MDGA2: variants seen among roughly 807,000 people sequenced by gnomAD.
The protein encoded by MDGA2 is MAM domain-containing glycosylphosphatidylinositol anchor protein 2.
In MDGA2, 40 loss-of-function variants were observed where a neutral mutation model predicts 117.8. The observed-to-expected ratio is 0.34, with a 90% CI of 0.26 to 0.44. The LOEUF (loss-of-function observed/expected upper bound fraction) is 0.44. Among genes scored for constraint, MDGA2 ranks in the 20% least tolerant of loss-of-function variants. MDGA2 has a pLI of 1.00. For missense variants in MDGA2, 1,123 were observed against 1,250.6 expected (o/e 0.90, Z 1.54); for synonymous variants, 452 against 439.0 (o/e 1.03, Z -0.37).
chr14:47,138,928 C>A (rs1299268773), intron 4 of MDGA2, among the ~76,000 whole-genome samples: 3 of 151,866 alleles, frequency 2.0e-5, no homozygotes, highest in Non-Finnish European at 4.4e-5. Flanking sequence ...GGAACACAGA[C>A]CAATTTTTTT....
At chr14:47,628,071 G>T (rs977958989) in intron 1 of MDGA2, among the ~76,000 whole-genome samples, 2 of 152,200 alleles carry the variant, frequency 1.3e-5, no homozygotes, top group Non-Finnish European at 2.9e-5. Context: ...GGTGGGGTAG[G>T]TAGGTAGAAA....
At chr14:47,410,625 AAG>A (rs557991556) in intron 1 of MDGA2, among the ~76,000 whole-genome samples, 1 of 151,832 alleles carries the variant, frequency 6.6e-6, no homozygotes. Flanking sequence ...TGCATGGCTG[AAG>A]AGAGAGAGAG....
At chr14:46,940,614 C>A (rs948321176) in intron 9 of MDGA2, among the ~76,000 whole-genome samples, 45 of 128,892 alleles carry the variant, frequency 3.5e-4, no homozygotes, top group Middle Eastern at 3.8e-3. Context: ...GGTGACAGAG[C>A]GAGACTGTCT....
At chr14:47,053,620 T>C (rs201346050) in intron 7 of MDGA2, among the ~76,000 whole-genome samples, 1 of 103,306 alleles carries the variant, frequency 9.7e-6, no homozygotes, top group Non-Finnish European at 2.0e-5. Flanking sequence ...TATATATATA[T>C]ATATATATAT....
intron 10 of MDGA2, among the ~76,000 whole-genome samples, chr14:46,901,566 T>C (rs1883287927): frequency 6.6e-6 from 1 of 152,186 alleles, no homozygotes; most frequent in African/African-American, 2.4e-5. Context: ...AAATATTTAC[T>C]GTACAACCAC....
chr14:47,271,002 T>C (rs1888126439), intron 2 of MDGA2, among the ~76,000 whole-genome samples: 1 of 152,182 alleles, frequency 6.6e-6, no homozygotes, highest in Non-Finnish European at 1.5e-5. Context: ...CTCCTCCTCT[T>C]CTGTCTGTTT....
intron 1 of MDGA2, among the ~76,000 whole-genome samples, chr14:47,540,787 A>C (rs765063711): frequency 1.9e-4 from 29 of 151,200 alleles, no homozygotes; most frequent in Non-Finnish European, 4.1e-4. Context: ...TTGGTCTTGA[A>C]CTCCTGATCT....
chr14:46,869,351 C>CTTTTTTTT (rs35619816), intron 14 of MDGA2, among the ~76,000 whole-genome samples: 1 of 119,132 alleles, frequency 8.4e-6, no homozygotes, highest in Non-Finnish European at 1.8e-5. Flanking sequence ...CTATGAGATT[C>CTTTTTTTT]TTTTTTTTTT....
intron 3 of MDGA2, among the ~76,000 whole-genome samples, chr14:47,168,620 A>C (rs1883988844): frequency 6.6e-6 from 1 of 152,166 alleles, no homozygotes; most frequent in African/African-American, 2.4e-5. Flanking sequence ...TAGAGCAGTT[A>C]CATGGCACGT....
At chr14:47,494,608 C>A (rs747865225) in intron 1 of MDGA2, among the ~76,000 whole-genome samples, 2 of 151,942 alleles carry the variant, frequency 1.3e-5, no homozygotes, top group African/African-American at 2.4e-5. Context: ...TAGACCAATG[C>A]CCAGAAAAGT....
intron 2 of MDGA2, among the ~76,000 whole-genome samples, chr14:47,291,871 C>T (rs1216788615): frequency 6.6e-6 from 1 of 152,214 alleles, no homozygotes; most frequent in Non-Finnish European, 1.5e-5. Context: ...GTTCCTTGTG[C>T]ACTGTAATAT....
intron 1 of MDGA2, among the ~76,000 whole-genome samples, chr14:47,331,953 G>C (rs1442194605): frequency 6.6e-6 from 1 of 151,886 alleles, no homozygotes; most frequent in Non-Finnish European, 1.5e-5. Flanking sequence ...TTGGCATAAA[G>C]AAGTCAAACA....
At chr14:47,002,861 A>G (rs1263439007) in intron 8 of MDGA2, among the ~76,000 whole-genome samples, 2 of 152,150 alleles carry the variant, frequency 1.3e-5, no homozygotes, top group African/African-American at 4.8e-5. Context: ...AAAATAAACT[A>G]CACATATGTA....
intron 8 of MDGA2, among the ~76,000 whole-genome samples, chr14:47,013,772 G>GTATATATATACATATA (rs1887979633): frequency 1.1e-5 from 1 of 93,686 alleles, no homozygotes; most frequent in African/African-American, 3.6e-5. Context: ...TAATTTCCTT[G>GTATATATATACATATA]TATATATATA....
At chr14:47,497,568 C>G (rs1412236027) in intron 1 of MDGA2, among the ~76,000 whole-genome samples, 2 of 152,034 alleles carry the variant, frequency 1.3e-5, no homozygotes, top group African/African-American at 4.8e-5. Context: ...AATATTGAGT[C>G]TTTTAATATA....
intron 8 of MDGA2, among the ~76,000 whole-genome samples, chr14:46,991,113 T>G (rs901212027): frequency 6.6e-6 from 1 of 152,108 alleles, no homozygotes; most frequent in Non-Finnish European, 1.5e-5. Context: ...TGGCCAGACA[T>G]TTTTTATTAT....
At chr14:47,468,418 C>G (rs990531997) in intron 1 of MDGA2, among the ~76,000 whole-genome samples, 7 of 152,084 alleles carry the variant, frequency 4.6e-5, no homozygotes, top group African/African-American at 1.7e-4. Flanking sequence ...AATTATTTGT[C>G]CCTGTGTGCT....
At chr14:47,576,362 TA>T (rs1235968907) in intron 1 of MDGA2, among the ~76,000 whole-genome samples, 1 of 152,186 alleles carries the variant, frequency 6.6e-6, no homozygotes, top group African/African-American at 2.4e-5. Context: ...GGTATGATTT[TA>T]AAAACAACTA....
intron 1 of MDGA2, among the ~76,000 whole-genome samples, chr14:47,646,011 C>T (rs1449409077): frequency 6.9e-6 from 1 of 144,656 alleles, no homozygotes; most frequent in Non-Finnish European, 1.5e-5. Flanking sequence ...ACTCGGGAGG[C>T]GGAGCTTGCA....
Sources: allele counts gnomAD v4.1 joint callset (sites outside exome capture counted in the v4.1 genomes callset), GRCh38; gene constraint gnomAD v4.1.1; transcripts MANE v1.5; gene names NCBI Gene and HGNC (gene_info 2026-07-23, HGNC 2026-07-21).